Variants in MAP2K5 observed in about 807,000 individuals in gnomAD.
MAP2K5 encodes mitogen-activated protein kinase kinase 5.
MAP2K5 carries 49 observed loss-of-function variants against 83.1 expected under a neutral mutation model. The observed-to-expected ratio is 0.59, with a 90% CI of 0.47 to 0.75. MAP2K5 has a LOEUF of 0.75. MAP2K5 is among the 30% of genes least tolerant of loss of function. The probability of loss-of-function intolerance (pLI) is 0.00; values close to 1 mark genes in which losing one functional copy is unlikely to be tolerated. For synonymous variants in MAP2K5, 202 were observed against 191.8 expected (o/e 1.05, Z -0.44); for missense variants, 457 against 557.5 (o/e 0.82, Z 1.82).
intron 16 of MAP2K5, among the ~76,000 whole-genome samples, chr15:67,725,344 A>G (rs1004298931): frequency 3.3e-5 from 5 of 152,180 alleles, no homozygotes; most frequent in Non-Finnish European, 7.3e-5. Context: ...TTGCAACCGG[A>G]AGCTTTGTGT....
At chr15:67,729,171 G>C (rs1159503917) in intron 17 of MAP2K5, among the ~76,000 whole-genome samples, 1 of 152,116 alleles carries the variant, frequency 6.6e-6, no homozygotes, top group Non-Finnish European at 1.5e-5. Context: ...CTTAGCTCTA[G>C]GTAACCCATC....
intron 13 of MAP2K5, among the ~76,000 whole-genome samples, chr15:67,684,613 A>C (rs575808244): frequency 6.6e-6 from 1 of 152,296 alleles, no homozygotes; most frequent in South Asian, 2.1e-4. Flanking sequence ...ACCGGGAAAA[A>C]ATCAATCTGT....
At chr15:67,650,251 TA>T (rs1388988883) in intron 11 of MAP2K5, among the ~76,000 whole-genome samples, 1 of 152,208 alleles carries the variant, frequency 6.6e-6, no homozygotes, top group Non-Finnish European at 1.5e-5. Context: ...ATATACAAGA[TA>T]ATGCCATCTG....
At chr15:67,622,942 C>T (rs2086221411) in intron 8 of MAP2K5, among the ~76,000 whole-genome samples, 1 of 151,814 alleles carries the variant, frequency 6.6e-6, no homozygotes, top group South Asian at 2.1e-4. Flanking sequence ...ACTAAAAATA[C>T]AAAAACAAAA....
rs1007303428 is a variant in MAP2K5 at position 67,758,742 on chromosome 15, A to G, written c.1134+10141A>G. Among the ~76,000 whole-genome samples the G allele has an allele frequency of 2.6e-5, 4 of 152,190 alleles. No homozygotes were observed. The highest frequency in any genetic ancestry group is 9.7e-5 in the African/African-American group (4 of 41,438). On this transcript the variant is annotated intron_variant, in intron 19 of 21. Coordinates refer to ENST00000178640, the MANE Select transcript of MAP2K5 (RefSeq NM_145160.3). The surrounding 1 kb of genome is among the most constrained non-coding windows in gnomAD (Gnocchi z 4.7). ...AAGCCTTAACCTTTGTGGTTTACAC[A>G]GTGTTTCCTGTCACATTCTTTCCCC...
Position 67,666,708 on chromosome 15 carries a change from G to C in MAP2K5, c.847+2063G>C, listed in dbSNP as rs374615548. 2.2e-4 allele frequency among the ~76,000 whole-genome samples: 33 copies of C among 152,290 alleles called. No homozygotes were observed. In the South Asian group the frequency reaches 6.6e-3, roughly 31 times the overall value. On this transcript the variant is annotated intron_variant, in intron 13 of 21. Coordinates refer to ENST00000178640, the MANE Select transcript of MAP2K5 (RefSeq NM_145160.3). Reference sequence around the variant, plus strand: ...TCCTGGGCCTGTACTTACTTTTTCAGTTGGTGCTGGCCAGCCCAATTCCTA... The same window carrying C: ...TCCTGGGCCTGTACTTACTTTTTCACTTGGTGCTGGCCAGCCCAATTCCTA...
In MAP2K5 at chr15:67,736,015, G is replaced by A. The variant is rs1250358394; in HGVS notation, c.1074+8070G>A. On this transcript the variant is annotated intron_variant, in intron 17 of 21. Coordinates refer to ENST00000178640, the MANE Select transcript of MAP2K5 (RefSeq NM_145160.3). The surrounding 1 kb of genome is among the most constrained non-coding windows in gnomAD (Gnocchi z 4.3). ...TCTAAAACAGCATATTATATTTGGT[G>A]TTGTTCCGGTACTTTAACAGTACTA... 6.6e-6 allele frequency among the ~76,000 whole-genome samples: 1 copy of A among 152,180 alleles called. No individual in the cohort carries two copies. Among genetic ancestry groups the A allele is most frequent in the Non-Finnish European group, 1.5e-5 (1 of 68,026 alleles).
intron 9 of MAP2K5, among the ~76,000 whole-genome samples, chr15:67,643,840 G>A (rs1181234681): frequency 6.6e-6 from 1 of 152,076 alleles, no homozygotes; most frequent in Non-Finnish European, 1.5e-5. Flanking sequence ...ACTATAAAAT[G>A]TACTTTAGAA....
At chr15:67,771,041 T>C (rs988877801) in intron 20 of MAP2K5, among the ~76,000 whole-genome samples, 9 of 152,308 alleles carry the variant, frequency 5.9e-5, no homozygotes, top group African/African-American at 2.2e-4. Flanking sequence ...CCTGAGCTGT[T>C]TTGAAGCTCC....
Position 67,719,614 on chromosome 15 carries a change from A to G in MAP2K5, c.1045-8302A>G, listed in dbSNP as rs2088905085. Among the ~76,000 whole-genome samples, 1 of 152,202 alleles carries G rather than the reference A, an allele frequency of 6.6e-6. No individual in the cohort carries two copies. The highest frequency in any genetic ancestry group is 6.5e-5 in the Admixed American group (1 of 15,278). ...GCAGAGAGTGGTATGAAGTTTGTCT[A>G]CAAAATTGTGGGTAGAGTCTTCTAG... On this transcript the variant is annotated intron_variant, in intron 16 of 21. Transcript: ENST00000178640. This position sits in a 1 kb window ranked among gnomAD's most constrained non-coding sequence, Gnocchi z 4.6.
chr15:67,612,644 T>A (rs1051362429), intron 8 of MAP2K5, among the ~76,000 whole-genome samples: 1 of 152,204 alleles, frequency 6.6e-6, no homozygotes, highest in Non-Finnish European at 1.5e-5. Flanking sequence ...ACCCTAGTCA[T>A]GATATGCCCA....
chr15:67,672,605 G>T (rs1197779216), intron 13 of MAP2K5, among the ~76,000 whole-genome samples: 1 of 150,774 alleles, frequency 6.6e-6, no homozygotes, highest in South Asian at 2.1e-4. Flanking sequence ...CTCACATTTT[G>T]TAGGTTGCCT....
chr15:67,632,097 A>AT (rs35811067), intron 9 of MAP2K5, among the ~76,000 whole-genome samples: 99,552 of 140,836 alleles, frequency 0.71, 35,805 homozygotes, highest in Non-Finnish European at 0.76. Flanking sequence ...ATTATGCTAG[A>AT]TTTTTTTTTT....
chr15:67,585,133 A>G (rs1291425208), intron 4 of MAP2K5, among the ~76,000 whole-genome samples: 1 of 151,052 alleles, frequency 6.6e-6, no homozygotes, highest in Admixed American at 6.6e-5. Context: ...ATCAAAATTG[A>G]TGGCCCCTTA....
At chr15:67,581,535 A>G (rs1036113444) in intron 4 of MAP2K5, among the ~76,000 whole-genome samples, 3 of 152,308 alleles carry the variant, frequency 2.0e-5, no homozygotes, top group South Asian at 2.1e-4. Flanking sequence ...ACATTGCCCC[A>G]CTTGGAATCC....
At chr15:67,544,578 C>T (rs1047152126) in intron 1 of MAP2K5, among the ~76,000 whole-genome samples, 3 of 152,170 alleles carry the variant, frequency 2.0e-5, no homozygotes, top group East Asian at 1.9e-4. Flanking sequence ...CATGTTGCAG[C>T]CGCTTCTAAT....
Position 67,769,386 on chromosome 15 carries a change from C to T in MAP2K5, c.1135-216C>T, listed in dbSNP as rs1311723551. 1.3e-5 allele frequency among the ~76,000 whole-genome samples: 2 copies of T among 152,154 alleles called. No homozygotes were observed. Among genetic ancestry groups the T allele is most frequent in the African/African-American group, 4.8e-5 (2 of 41,434 alleles). Reference sequence around the variant, plus strand: ...TTTTTCACCTCCCCCTCTCTCAGCTCTCATGTTTCTCACCATTGTAAAATA... The same window carrying T: ...TTTTTCACCTCCCCCTCTCTCAGCTTTCATGTTTCTCACCATTGTAAAATA... On this transcript the variant is annotated intron_variant, in intron 19 of 21. Coordinates refer to ENST00000178640, the MANE Select transcript of MAP2K5 (RefSeq NM_145160.3). The surrounding 1 kb of genome is among the most constrained non-coding windows in gnomAD (Gnocchi z 5.2).
chr15:67,701,309 T>C (rs981471529), intron 15 of MAP2K5, among the ~76,000 whole-genome samples: 3 of 152,252 alleles, frequency 2.0e-5, no homozygotes, highest in Non-Finnish European at 4.4e-5. Context: ...TATTTGTTCA[T>C]GCAGTAAACA....
chr15:67,670,563 C>T, intron 13 of MAP2K5: 1 of 384,138 alleles, frequency 2.6e-6, no homozygotes, highest in South Asian at 2.0e-5. Flanking sequence ...GCAGTAGACA[C>T]TCTAGAAAGA....
Sources: allele counts gnomAD v4.1 joint callset (sites outside exome capture counted in the v4.1 genomes callset), GRCh38; gene constraint gnomAD v4.1.1; non-coding constraint Gnocchi (gnomAD v3.1); transcripts MANE v1.5; gene names NCBI Gene and HGNC (gene_info 2026-07-23, HGNC 2026-07-21).